PTGER3: variants seen among roughly 807,000 people sequenced by gnomAD.
The protein encoded by PTGER3 is prostaglandin E2 receptor EP3 subtype.
Under a neutral mutation model 34.7 loss-of-function variants are expected in PTGER3, and 22 were observed. The observed-to-expected ratio is 0.63, with a 90% CI of 0.45 to 0.91. The LOEUF (loss-of-function observed/expected upper bound fraction) is 0.91, where lower values mean the gene tolerates loss of function less well. Ranked by LOEUF, PTGER3 falls within the 40% of genes least tolerant of loss-of-function variation. The probability of loss-of-function intolerance (pLI) is 0.00; values close to 1 mark genes in which losing one functional copy is unlikely to be tolerated. For missense variants in PTGER3, 468 were observed against 519.4 expected (o/e 0.90, Z 0.96); for synonymous variants, 241 against 230.1 (o/e 1.05, Z -0.43).
At chr1:70,886,005 C>T (rs915519071) in intron 4 of PTGER3, among the ~76,000 whole-genome samples, 4 of 152,138 alleles carry the variant, frequency 2.6e-5, no homozygotes, top group African/African-American at 9.7e-5. Context: ...CTCACAACAA[C>T]TTCATGTGAT....
At chr1:70,926,281 T>C (rs548499127) in intron 4 of PTGER3, among the ~76,000 whole-genome samples, 1 of 152,326 alleles carries the variant, frequency 6.6e-6, no homozygotes, top group Admixed American at 6.5e-5. Flanking sequence ...AGTATGGCCA[T>C]TTTCACGATA....
chr1:71,036,787 C>A (rs539396334), intron 1 of PTGER3, among the ~76,000 whole-genome samples: 1 of 149,912 alleles, frequency 6.7e-6, no homozygotes, highest in Non-Finnish European at 1.5e-5. Flanking sequence ...TGCAGTGAGC[C>A]GAGATCGTGC....
chr1:70,967,412 G>T (rs181874606), downstream of PTGER3, among the ~76,000 whole-genome samples: 1 of 152,060 alleles, frequency 6.6e-6, no homozygotes, highest in Non-Finnish European at 1.5e-5. Flanking sequence ...ATGTGGTTGA[G>T]ATTTAAATAA....
intron 1 of PTGER3, among the ~76,000 whole-genome samples, chr1:71,044,911 T>C (rs1660625582): frequency 6.6e-6 from 1 of 152,248 alleles, no homozygotes; most frequent in Non-Finnish European, 1.5e-5. Context: ...ATACCCTGTT[T>C]GCCTTTAAAG....
At chr1:71,025,329 G>T (rs1370167772) in intron 1 of PTGER3, among the ~76,000 whole-genome samples, 1 of 151,956 alleles carries the variant, frequency 6.6e-6, no homozygotes, top group African/African-American at 2.4e-5. Context: ...CCTGAGGCTG[G>T]TAAGTTGGGG....
intron 2 of PTGER3, chr1:70,953,816 C>T (rs571705): frequency 0.85 from 966,934 of 1,133,194 alleles, 413,438 homozygotes; most frequent in East Asian, 0.94. Context: ...ACAGTATAAG[C>T]TTGCTATAAT....
intron 4 of PTGER3, among the ~76,000 whole-genome samples, chr1:70,871,665 G>T (rs1377482067): frequency 6.6e-6 from 1 of 152,118 alleles, no homozygotes; most frequent in Non-Finnish European, 1.5e-5. Context: ...AAGCAAAAAT[G>T]AGGAGAGCCT....
intron 1 of PTGER3, among the ~76,000 whole-genome samples, chr1:71,039,657 A>AG (rs1312419117): frequency 7.1e-6 from 1 of 141,124 alleles, no homozygotes; most frequent in African/African-American, 2.7e-5. Context: ...CTCAAAAAAA[A>AG]AAAAAAAAAA....
intron 2 of PTGER3, among the ~76,000 whole-genome samples, chr1:70,976,255 A>G (rs529473318): frequency 2.0e-5 from 3 of 152,298 alleles, no homozygotes; most frequent in South Asian, 4.1e-4. Context: ...CTATGATTCC[A>G]TAATAGTGGA....
chr1:70,971,620 A>T lies in PTGER3; in HGVS notation c.*110T>A. On this transcript the variant is annotated 3_prime_UTR_variant, in exon 4 of 4. Transcript: ENST00000306666. ...CAATCATTAAAATAAAAAGATAAAA[A>T]TGAAGAAATAATCCAAATTAAAATA... 7.1e-7 allele frequency: 1 copy of T among 1,403,348 alleles called. No individual in the cohort carries two copies. Among genetic ancestry groups the T allele is most frequent in the Non-Finnish European group, 9.3e-7 (1 of 1,071,754 alleles). 86.9% of individuals were successfully genotyped at this position (1,403,348 alleles called of 1,614,324 possible).
rs1237611594 is a variant in PTGER3, at chr1:71,009,747, A to AT, written c.1077+2557dup. The stretch of plus-strand genomic sequence containing the variant: ...AGGAATTGTCATAATCTATACATGC[A>AT]TTTTTCCTGATTAGACATATGTATG... On this transcript the variant is annotated intron_variant, in intron 2 of 3. Transcript: ENST00000306666. 22 of 985,130 alleles carry AT rather than the reference A, an allele frequency of 2.2e-5. No individual in the cohort carries two copies. In the African/African-American group the frequency reaches 3.0e-4, roughly 13 times the overall value. The allele number at this position is 985,130 out of a possible 1,614,324, so 61.0% of individuals were successfully genotyped here.
intron 4 of PTGER3, among the ~76,000 whole-genome samples, chr1:70,896,733 T>C (rs1162599772): frequency 2.0e-5 from 3 of 152,182 alleles, no homozygotes; most frequent in Non-Finnish European, 4.4e-5. Flanking sequence ...CATCCAACCC[T>C]AAGATTTTAT....
intron 4 of PTGER3, among the ~76,000 whole-genome samples, chr1:70,889,608 T>A (rs573650888): frequency 1.9e-4 from 29 of 152,040 alleles, no homozygotes; most frequent in African/African-American, 6.5e-4. Context: ...AAAAGAAAAA[T>A]AAAATAAGAA....
chr1:70,908,352 C>T (rs557884090), intron 4 of PTGER3, among the ~76,000 whole-genome samples: 22 of 152,316 alleles, frequency 1.4e-4, no homozygotes, highest in African/African-American at 4.3e-4. Context: ...AATCTGGATG[C>T]CACTGCTCTT....
In PTGER3 at chr1:70,932,038, G is replaced by A. The variant is rs150154650; in HGVS notation, c.*23+21725C>T. On this transcript the variant is annotated intron_variant, in intron 4 of 4. Coordinates refer to the PTGER3 transcript ENST00000370931. Reference sequence around the variant, plus strand: ...ACAGCACCCAAGTCATGTCTTGAATGCTTTGCTGCTTAGAAATTTCTTCCA... The same window carrying A: ...ACAGCACCCAAGTCATGTCTTGAATACTTTGCTGCTTAGAAATTTCTTCCA... Among the ~76,000 whole-genome samples the A allele has an allele frequency of 7.3e-3, 1,105 of 152,242 alleles. 15 individuals are homozygous for A. Among genetic ancestry groups the A allele is most frequent in the African/African-American group, 0.026 (1,061 of 41,530 alleles).
intron 2 of PTGER3, chr1:71,010,858 T>C: frequency 2.0e-6 from 2 of 984,988 alleles, no homozygotes; most frequent in Non-Finnish European, 2.4e-6. Flanking sequence ...ATAGACATAT[T>C]GTACCTATCA....
At chr1:71,015,034 T>C (rs1657770724) in intron 1 of PTGER3, among the ~76,000 whole-genome samples, 1 of 152,264 alleles carries the variant, frequency 6.6e-6, no homozygotes, top group African/African-American at 2.4e-5. Context: ...AAACTCTAGC[T>C]ATAGTCCATT....
intron 1 of PTGER3, among the ~76,000 whole-genome samples, chr1:71,024,889 A>C (rs1658767233): frequency 2.5e-5 from 1 of 39,620 alleles, no homozygotes; most frequent in East Asian, 8.3e-4. Flanking sequence ...TTATTTATTT[A>C]TTTATTTATT....
At chr1:71,009,627 C>T in intron 2 of PTGER3, 2 of 985,036 alleles carry the variant, frequency 2.0e-6, no homozygotes, top group Non-Finnish European at 2.4e-6. Context: ...TTGACACTTG[C>T]TAATTTTACA....
Sources: allele counts gnomAD v4.1 joint callset (sites outside exome capture counted in the v4.1 genomes callset), GRCh38; gene constraint gnomAD v4.1.1; transcripts MANE v1.5; gene names NCBI Gene and HGNC (gene_info 2026-07-23, HGNC 2026-07-21).